The following GRIK2 variants were observed in gnomAD, a reference collection of about 807,000 sequenced individuals.
The protein encoded by GRIK2 is glutamate ionotropic receptor kainate type subunit 2, also known as glutamate receptor ionotropic, kainate 2.
GRIK2 carries 32 observed loss-of-function variants against 100.3 expected under a neutral mutation model. That is an observed-to-expected ratio of 0.32 (90% CI 0.24 to 0.43). The LOEUF (loss-of-function observed/expected upper bound fraction) is 0.43, where lower values mean the gene tolerates loss of function less well. Among genes scored for constraint, GRIK2 ranks in the 20% least tolerant of loss-of-function variants. The pLI, the probability that GRIK2 is intolerant of heterozygous loss-of-function variation, is 1.00. For synonymous variants in GRIK2, 417 were observed against 389.4 expected, an observed-to-expected ratio of 1.07 and a Z score of -0.83; for missense variants, 843 against 1,114.9, an observed-to-expected ratio of 0.76 and a Z score of 3.47.
intron 14 of GRIK2, among the ~76,000 whole-genome samples, chr6:101,981,602 G>A (rs776590744): frequency 5.5e-4 from 84 of 151,962 alleles, no homozygotes; most frequent in South Asian, 2.3e-3. Flanking sequence ...TTAGTACAAC[G>A]ATGACGCACT....
intron 2 of GRIK2, among the ~76,000 whole-genome samples, chr6:101,477,974 G>C (rs1372800962): frequency 6.6e-6 from 1 of 152,090 alleles, no homozygotes; most frequent in Non-Finnish European, 1.5e-5. Context: ...AACATATACT[G>C]TCTGTGCCAG....
At chr6:101,957,811 C>A (rs1428621544) in intron 14 of GRIK2, among the ~76,000 whole-genome samples, 1 of 151,932 alleles carries the variant, frequency 6.6e-6, no homozygotes, top group African/African-American at 2.4e-5. Context: ...ATACTTTTGT[C>A]AATTTTGTTG....
At chr6:101,951,967 CACA>C (rs1469983348) in intron 14 of GRIK2, among the ~76,000 whole-genome samples, 1 of 152,186 alleles carries the variant, frequency 6.6e-6, no homozygotes, top group Non-Finnish European at 1.5e-5. Context: ...AGGACATTAT[CACA>C]ACGATGTTGG....
chr6:101,538,360 CATT>C (rs146191154), intron 2 of GRIK2, among the ~76,000 whole-genome samples: 93 of 151,766 alleles, frequency 6.1e-4, no homozygotes, highest in Non-Finnish European at 1.2e-3. Flanking sequence ...CTAGAGAACA[CATT>C]ATTTTCTCAT....
intron 14 of GRIK2, among the ~76,000 whole-genome samples, chr6:102,005,032 C>A (rs1228121875): frequency 6.6e-6 from 1 of 151,682 alleles, no homozygotes; most frequent in East Asian, 1.9e-4. Flanking sequence ...CAAGAAATAG[C>A]AGCTTCTCAT....
intron 14 of GRIK2, among the ~76,000 whole-genome samples, chr6:102,009,177 T>C (rs1224491307): frequency 6.6e-6 from 1 of 152,086 alleles, no homozygotes; most frequent in Non-Finnish European, 1.5e-5. Context: ...GAAAAATAAT[T>C]GTCAGGTACA....
At chr6:101,977,926 T>C (rs1335861025) in intron 14 of GRIK2, among the ~76,000 whole-genome samples, 2 of 152,022 alleles carry the variant, frequency 1.3e-5, no homozygotes, top group Non-Finnish European at 2.9e-5. Context: ...ACAAACATAC[T>C]TGAAATGGAC....
intron 10 of GRIK2, among the ~76,000 whole-genome samples, chr6:101,841,961 T>A (rs1270563568): frequency 6.6e-6 from 1 of 152,134 alleles, no homozygotes; most frequent in Non-Finnish European, 1.5e-5. Context: ...TTTTGAATCG[T>A]GAGCCTGCCA....
At chr6:101,405,999 G>A (rs72960720) in intron 2 of GRIK2, among the ~76,000 whole-genome samples, 16,083 of 152,088 alleles carry the variant, frequency 0.11, 945 homozygotes, top group East Asian at 0.27. Context: ...TTACCTTCTC[G>A]CCCATTCACA....
intron 11 of GRIK2, among the ~76,000 whole-genome samples, chr6:101,866,399 A>T (rs934919654): frequency 6.6e-6 from 1 of 152,198 alleles, no homozygotes; most frequent in Non-Finnish European, 1.5e-5. Flanking sequence ...TTCACATTGC[A>T]TGCCTGTAGT....
intron 2 of GRIK2, among the ~76,000 whole-genome samples, chr6:101,567,765 T>C (rs1777347805): frequency 6.6e-6 from 1 of 152,106 alleles, no homozygotes; most frequent in South Asian, 2.1e-4. Context: ...TCATCCCATA[T>C]GTCAACTTAT....
At chr6:102,067,300 A>C (rs191544414) in intron 16 of GRIK2, among the ~76,000 whole-genome samples, 3 of 151,826 alleles carry the variant, frequency 2.0e-5, no homozygotes, top group Admixed American at 1.3e-4. Flanking sequence ...ATAATATATT[A>C]TTATTAACTA....
At chr6:101,963,140 C>T (rs1335037) in intron 14 of GRIK2, among the ~76,000 whole-genome samples, 53,161 of 150,934 alleles carry the variant, frequency 0.35, 10,111 homozygotes, top group South Asian at 0.46. Context: ...ACCAGTTTTG[C>T]ATTAAGATAA....
intron 14 of GRIK2, among the ~76,000 whole-genome samples, chr6:102,023,577 A>G (rs911601675): frequency 1.3e-5 from 2 of 151,594 alleles, no homozygotes; most frequent in Admixed American, 6.6e-5. Flanking sequence ...TCAACTACTA[A>G]AAGTGAGTTG....
Position 101,448,568 on chromosome 6 carries a change from A to T in GRIK2, c.115+49176A>T, listed in dbSNP as rs925362664. Among the ~76,000 whole-genome samples the T allele has an allele frequency of 2.0e-5, 3 of 151,634 alleles. No individual in the cohort carries two copies. In the Admixed American group the frequency reaches 2.0e-4, roughly 10 times the overall value. On this transcript the variant is annotated intron_variant, in intron 2 of 16. Transcript: ENST00000369134. ...GACACAAAATTTATATATTAATGAA[A>T]TACTTGCAACATATATTTAGTCATA...
At chr6:101,577,168 A>T (rs1005412691) in intron 2 of GRIK2, among the ~76,000 whole-genome samples, 5 of 151,936 alleles carry the variant, frequency 3.3e-5, no homozygotes, top group Non-Finnish European at 7.4e-5. Flanking sequence ...GATACAAAAA[A>T]AAAACAACAA....
chr6:101,838,791 A>C (rs2128433027), intron 10 of GRIK2, among the ~76,000 whole-genome samples: 1 of 151,822 alleles, frequency 6.6e-6, no homozygotes, highest in African/African-American at 2.4e-5. Context: ...AGCTGGGATT[A>C]CAGCTGCCCA....
chr6:101,435,308 C>A (rs967985200), intron 2 of GRIK2, among the ~76,000 whole-genome samples: 2 of 152,114 alleles, frequency 1.3e-5, no homozygotes, highest in Non-Finnish European at 2.9e-5. Flanking sequence ...CCCTTCAGGA[C>A]TCAATCTCTG....
At chr6:101,889,434 A>G (rs1786885854) in intron 11 of GRIK2, among the ~76,000 whole-genome samples, 1 of 151,956 alleles carries the variant, frequency 6.6e-6, no homozygotes, top group African/African-American at 2.4e-5. Flanking sequence ...CTAGAAGAAC[A>G]TAGAAATGAT....
Sources: gnomAD v4.1 joint callset for allele counts (sites outside exome capture counted in the v4.1 genomes callset) on GRCh38, gnomAD v4.1.1 for gene constraint, MANE v1.5 for transcripts, NCBI Gene and HGNC (gene_info 2026-07-23, HGNC 2026-07-21) for gene names.